Variants in SH3GLB2 observed in about 807,000 individuals in gnomAD.
SH3GLB2 encodes SH3 domain containing GRB2 like, endophilin B2.
Under a neutral mutation model 48.0 loss-of-function variants are expected in SH3GLB2, and 24 were observed. The observed-to-expected ratio is 0.50, with a 90% confidence interval of 0.36 to 0.70. SH3GLB2 has a LOEUF of 0.70. Among genes scored for constraint, SH3GLB2 ranks in the 30% least tolerant of loss-of-function variants. The probability of loss-of-function intolerance (pLI) is 0.00; values close to 1 mark genes in which losing one functional copy is unlikely to be tolerated. For synonymous variants in SH3GLB2, 227 were observed against 207.6 expected (o/e 1.09, Z -0.80); for missense variants, 425 against 516.0 (o/e 0.82, Z 1.71).
At chr9:129,022,456 G>T (rs377261714) in intron 1 of SH3GLB2, 33 bp from the exon 2 acceptor site, 5 of 1,600,380 alleles carry the variant, frequency 3.1e-6, no homozygotes, top group South Asian at 2.2e-5. Context: ...GGGTGGGGAG[G>T]GGGAGAGCTC....
At position 129,009,351 on chromosome 9, in the gene SH3GLB2, AGAG is replaced by A. The variant is rs1842963069; in HGVS notation, c.840-8_840-6del. On this transcript the variant is annotated splice_polypyrimidine_tract_variant and splice_region_variant and intron_variant, in intron 9 of 10. Transcript: ENST00000372564. ...CCCACGAAGGTGCCGGGAAATCTGGAGAGGAGGGATACATCTTAGCAGGTGGGA... is the reference window on the plus strand; with the variant it reads ...CCCACGAAGGTGCCGGGAAATCTGGAGAGGGATACATCTTAGCAGGTGGGA... 1 of 1,549,468 alleles carries A rather than the reference AGAG, an allele frequency of 6.5e-7. No homozygotes were observed. The highest frequency in any genetic ancestry group is 8.7e-7 in the Non-Finnish European group (1 of 1,145,596).
At chr9:129,016,818 G>C (rs943518590) in intron 3 of SH3GLB2, among the ~76,000 whole-genome samples, 5 of 152,070 alleles carry the variant, frequency 3.3e-5, no homozygotes, top group African/African-American at 1.2e-4. Flanking sequence ...TAATGAAAGA[G>C]TCAATTCATC....
chr9:129,010,472 C>T, intron 7 of SH3GLB2, 198 bp downstream of exon 7: 1 of 662,028 alleles, frequency 1.5e-6, no homozygotes, highest in East Asian at 2.7e-5. Context: ...ATCCTGAGGG[C>T]CTACTGTGTG....
chr9:129,020,686 T>G (rs933788351), intron 3 of SH3GLB2, among the ~76,000 whole-genome samples: 1 of 150,528 alleles, frequency 6.6e-6, no homozygotes, highest in Admixed American at 6.7e-5. Context: ...GCTAACATGG[T>G]GAAACCTCGT....
At chr9:129,024,689 G>A (rs951734543) in intron 1 of SH3GLB2, among the ~76,000 whole-genome samples, 21 of 152,014 alleles carry the variant, frequency 1.4e-4, no homozygotes, top group African/African-American at 4.8e-4. Context: ...TCCAGCCTGG[G>A]TGACAGACCA....
chr9:129,009,012 A>C (rs1842923929), intron 10 of SH3GLB2, 94 bp downstream of exon 10: 1 of 1,565,296 alleles, frequency 6.4e-7, no homozygotes, highest in Non-Finnish European at 8.6e-7. Context: ...CACTTTGCCA[A>C]CAGGGCCCCT....
At chr9:129,024,239 G>A (rs545990747) in intron 1 of SH3GLB2, among the ~76,000 whole-genome samples, 4 of 135,166 alleles carry the variant, frequency 3.0e-5, no homozygotes, top group East Asian at 2.1e-4. Flanking sequence ...CTGGGCAACC[G>A]TGAGACCTCC....
intron 5 of SH3GLB2, chr9:129,013,099 C>G: frequency 6.7e-7 from 1 of 1,500,828 alleles, no homozygotes. Flanking sequence ...CAGGAGCAGG[C>G]CCCCCAGGCC....
Position 129,008,104 on chromosome 9 carries a change from AGTG to A in SH3GLB2, c.*577_*579del, listed in dbSNP as rs1293134591. On this transcript the variant is annotated 3_prime_UTR_variant, in exon 11 of 11. Coordinates refer to ENST00000372564, the MANE Select transcript of SH3GLB2 (RefSeq NM_020145.4). ...GCAGAAGTAAAAACACCAGATAAAA[AGTG>A]AGTGTGGAGAGGTGAAGACTGCGGC... The A allele has an allele frequency of 6.5e-6, 1 of 153,500 alleles. No homozygotes were observed. The highest frequency in any genetic ancestry group is 1.4e-5 in the Non-Finnish European group (1 of 69,084). 9.5% of individuals were successfully genotyped at this position (153,500 alleles called of 1,614,324 possible).
chr9:129,022,212 G>C, intron 2 of SH3GLB2, 70 bp downstream of exon 2: 1 of 1,576,234 alleles, frequency 6.3e-7, no homozygotes, highest in South Asian at 1.1e-5. Flanking sequence ...TGCCACAACA[G>C]GGCCAGGCCT....
Position 129,021,173 on chromosome 9 carries a change from G to C in SH3GLB2, c.252C>G (p.Val84=). 1 of 1,611,872 alleles carries C rather than the reference G, an allele frequency of 6.2e-7. No homozygotes were observed. Among genetic ancestry groups the C allele is most frequent in the Admixed American group, 1.7e-5 (1 of 59,890 alleles). ...EFLYEKLDRK[V]PSRVTNGELL... is the part of the protein sequence containing the mutation. ...GCTCCCCGTTGGTGACCCTTGAGGG[G>C]ACCTTCCTGTCCAGCTTCTCATACA... Residue 84 remains valine, a synonymous_variant, in exon 3 of 11, where the codon GTC becomes GTG. Coordinates refer to ENST00000372564, the MANE Select transcript of SH3GLB2 (RefSeq NM_020145.4).
At chr9:129,015,178 C>T (rs140690031) in intron 3 of SH3GLB2, among the ~76,000 whole-genome samples, 2 of 152,248 alleles carry the variant, frequency 1.3e-5, no homozygotes, top group African/African-American at 2.4e-5. Context: ...CTCAACAAAT[C>T]CCCTCCCAAA....
In SH3GLB2 at chr9:129,012,250, C is replaced by T; in HGVS notation, c.610G>A (p.Ala204Thr). Residue 204 changes from alanine to threonine, a missense_variant, in exon 6 of 11, where the codon GCC (alanine) becomes ACC (threonine). Coordinates refer to ENST00000372564, the MANE Select transcript of SH3GLB2 (RefSeq NM_020145.4). ...ETRPRNYILS[A>T]SASALWNDEV... is the part of the protein sequence containing the mutation. ...GGTGCGCTTACCGCGGAGGCGCTGGCCGAGAGAATGTAATTACGAGGTCTA... is the reference window on the plus strand; with the variant it reads ...GGTGCGCTTACCGCGGAGGCGCTGGTCGAGAGAATGTAATTACGAGGTCTA... 7.7e-7 allele frequency: 1 copy of T among 1,296,256 alleles called. No homozygotes were observed. Among genetic ancestry groups the T allele is most frequent in the South Asian group, 3.2e-5 (1 of 31,718 alleles). The allele number at this position is 1,296,256 out of a possible 1,614,324, so 80.3% of individuals were successfully genotyped here.
In SH3GLB2 at chr9:129,009,190, G is replaced by T. The variant is rs369414237; in HGVS notation, c.996C>A (p.Pro332=). Residue 332 remains proline, a synonymous_variant, in exon 10 of 11, where the codon CCC becomes CCA. Transcript: ENST00000372564. Reference sequence around the variant, plus strand: ...GAGCTTTGCGGGTCCCACTGGCAGGGGGGGCCACCTCTTCCAGGCAGAGCG... The same window carrying T: ...GAGCTTTGCGGGTCCCACTGGCAGGTGGGGCCACCTCTTCCAGGCAGAGCG... The part of the protein sequence containing the change: ...EASLCLEEVA[P]PASGTRKARV... 3.1e-6 allele frequency: 5 copies of T among 1,611,140 alleles called. No homozygotes were observed. The highest frequency in any genetic ancestry group is 1.3e-5 in the African/African-American group (1 of 74,908).
At position 129,009,243 on chromosome 9, in the gene SH3GLB2, C is replaced by A; in HGVS notation, c.943G>T (p.Ala315Ser). 1 of 1,592,776 alleles carries A rather than the reference C, an allele frequency of 6.3e-7. No homozygotes were observed. The highest frequency in any genetic ancestry group is 8.5e-7 in the Non-Finnish European group (1 of 1,169,724). Residue 315 changes from alanine (A) to serine (S), a missense_variant, in exon 10 of 11, where the codon GCC becomes TCC. Coordinates refer to ENST00000372564, the MANE Select transcript of SH3GLB2 (RefSeq NM_020145.4). ...GCCTCCCCCGGAGGGGCCAGGCTGGCCACAGAGGGCACCACAGGCATAGTG... is the reference window on the plus strand; with the variant it reads ...GCCTCCCCCGGAGGGGCCAGGCTGGACACAGAGGGCACCACAGGCATAGTG... ...AATMPVVPSV[A>S]SLAPPGEASL...
At chr9:129,023,721 A>T (rs1843961049) in intron 1 of SH3GLB2, among the ~76,000 whole-genome samples, 1 of 151,992 alleles carries the variant, frequency 6.6e-6, no homozygotes, top group Non-Finnish European at 1.5e-5. Context: ...CTCAGCAGCC[A>T]TCAATTATGT....
Position 129,007,621 on chromosome 9 carries a change from C to T in SH3GLB2, c.*1063G>A, listed in dbSNP as rs1402750119. The T allele has an allele frequency of 6.6e-6, 1 of 152,210 alleles. No individual in the cohort carries two copies. 9.4% of individuals were successfully genotyped at this position (152,210 alleles called of 1,614,324 possible). On this transcript the variant is annotated 3_prime_UTR_variant, in exon 11 of 11. Coordinates refer to ENST00000372564, the MANE Select transcript of SH3GLB2 (RefSeq NM_020145.4). Reference sequence around the variant, plus strand: ...TGTGGTCCCTTGAGGAGCTGACTGTCTTGCTGATCTCATCTGTGAAATGTG... The same window carrying T: ...TGTGGTCCCTTGAGGAGCTGACTGTTTTGCTGATCTCATCTGTGAAATGTG...
chr9:129,012,607 G>A, intron 5 of SH3GLB2: 2 of 424,304 alleles, frequency 4.7e-6, no homozygotes, highest in Non-Finnish European at 8.3e-6. Context: ...CCCTGCCAGG[G>A]GCCACAGCCC....
intron 8 of SH3GLB2, 72 bp from the exon 9 acceptor site, chr9:129,009,943 G>A (rs1449505490): frequency 1.4e-5 from 20 of 1,466,750 alleles, no homozygotes; most frequent in Non-Finnish European, 1.7e-5. Context: ...CCCCATCCCC[G>A]TCCTCTACCA....
Sources: allele counts gnomAD v4.1 joint callset (sites outside exome capture counted in the v4.1 genomes callset), GRCh38; gene constraint gnomAD v4.1.1; transcripts MANE v1.5; gene names NCBI Gene and HGNC (gene_info 2026-07-23, HGNC 2026-07-21).